Variants in FGGY observed in about 807,000 individuals in gnomAD.
The protein encoded by FGGY is FGGY carbohydrate kinase domain containing, also known as FGGY carbohydrate kinase domain-containing protein.
A neutral mutation model predicts 71.3 loss-of-function variants in FGGY; 72 were observed. The observed-to-expected ratio is 1.01, with a 90% CI of 0.84 to 1.23. The LOEUF (loss-of-function observed/expected upper bound fraction) is 1.23. Ranked by LOEUF, FGGY falls within the 50% of genes most tolerant of loss-of-function variation. The pLI is 0.00. For synonymous variants in FGGY, 251 were observed against 250.3 expected (o/e 1.00, Z -0.02); for missense variants, 668 against 682.3 (o/e 0.98, Z 0.23).
chr1:59,426,516 T>C (rs1211853457), intron 5 of FGGY, among the ~76,000 whole-genome samples: 1 of 152,184 alleles, frequency 6.6e-6, no homozygotes, highest in African/African-American at 2.4e-5. Context: ...AATTTCACAA[T>C]ATGTTTTAAT....
At chr1:59,617,015 T>G (rs1249511360) in intron 9 of FGGY, among the ~76,000 whole-genome samples, 1 of 152,162 alleles carries the variant, frequency 6.6e-6, no homozygotes, top group Non-Finnish European at 1.5e-5. Context: ...TATTCTCTTG[T>G]AAATTCCAAT....
chr1:59,387,493 CAATT>C (rs2060209591), intron 5 of FGGY, among the ~76,000 whole-genome samples: 1 of 151,856 alleles, frequency 6.6e-6, no homozygotes, highest in Admixed American at 6.6e-5. Flanking sequence ...CTAATTATGA[CAATT>C]AGTGTTATAT....
intron 4 of FGGY, among the ~76,000 whole-genome samples, chr1:59,369,770 C>T (rs1449141119): frequency 6.6e-6 from 1 of 152,210 alleles, no homozygotes; most frequent in African/African-American, 2.4e-5. Flanking sequence ...AACGACTGTT[C>T]TGCAGACACC....
chr1:59,753,452 A>G (rs2101742674), intron 14 of FGGY, among the ~76,000 whole-genome samples: 1 of 133,328 alleles, frequency 7.5e-6, no homozygotes, highest in African/African-American at 2.8e-5. Flanking sequence ...GACTGTCTTT[A>G]TAAGCATAAC....
intron 2 of FGGY, among the ~76,000 whole-genome samples, chr1:59,323,185 A>T (rs17119259): frequency 6.6e-6 from 1 of 152,132 alleles, no homozygotes; most frequent in African/African-American, 2.4e-5. Flanking sequence ...TTCTTTTAAC[A>T]TACAGCCTTG....
intron 5 of FGGY, among the ~76,000 whole-genome samples, chr1:59,407,884 TA>T (rs1300481306): frequency 1.3e-5 from 2 of 152,242 alleles, no homozygotes; most frequent in African/African-American, 4.8e-5. Context: ...TATTGCCTAC[TA>T]CATGTAAATT....
chr1:59,588,263 G>A (rs940517696), intron 8 of FGGY, among the ~76,000 whole-genome samples: 6 of 152,002 alleles, frequency 3.9e-5, no homozygotes, highest in Non-Finnish European at 5.9e-5. Context: ...AAAAAGAAAC[G>A]AACAAAGCCT....
chr1:59,359,616 T>C (rs981727310), intron 4 of FGGY, among the ~76,000 whole-genome samples: 8 of 152,234 alleles, frequency 5.3e-5, no homozygotes, highest in African/African-American at 1.9e-4. Flanking sequence ...AAGACCTCCC[T>C]GGAGGCTTGT....
intron 15 of FGGY, among the ~76,000 whole-genome samples, chr1:59,760,824 A>C (rs654165): frequency 0.36 from 54,238 of 151,666 alleles, 10,008 homozygotes; most frequent in African/African-American, 0.45. Flanking sequence ...TCCCTTCTAG[A>C]TATTTTGAGA....
chr1:59,587,821 A>G (rs1457463531), intron 8 of FGGY, among the ~76,000 whole-genome samples: 3 of 152,202 alleles, frequency 2.0e-5, no homozygotes, highest in African/African-American at 7.2e-5. Flanking sequence ...AAAGACCAAA[A>G]GTAGATAAAA....
chr1:59,469,742 C>G (rs1204006936), intron 6 of FGGY, among the ~76,000 whole-genome samples: 1 of 152,140 alleles, frequency 6.6e-6, no homozygotes, highest in Non-Finnish European at 1.5e-5. Flanking sequence ...TTCCTCCTCC[C>G]ACCCTTTGTC....
At chr1:59,700,144 A>G (rs1034464484) in intron 14 of FGGY, among the ~76,000 whole-genome samples, 1 of 152,216 alleles carries the variant, frequency 6.6e-6, no homozygotes, top group Non-Finnish European at 1.5e-5. Flanking sequence ...CTGTTTTTGT[A>G]CTACATTAAG....
chr1:59,503,619 A>G (rs2094296390), intron 6 of FGGY, among the ~76,000 whole-genome samples: 1 of 145,668 alleles, frequency 6.9e-6, no homozygotes, highest in Non-Finnish European at 1.5e-5. Flanking sequence ...ATATATATAT[A>G]AAATATGTAT....
intron 8 of FGGY, among the ~76,000 whole-genome samples, chr1:59,599,841 C>T (rs1407034660): frequency 1.3e-5 from 2 of 151,974 alleles, no homozygotes; most frequent in Non-Finnish European, 2.9e-5. Context: ...AGTCTGAGGC[C>T]TAGCTTATGA....
chr1:59,702,557 TA>T (rs1191161014), intron 14 of FGGY, among the ~76,000 whole-genome samples: 1 of 152,100 alleles, frequency 6.6e-6, no homozygotes, highest in Non-Finnish European at 1.5e-5. Flanking sequence ...AAAAATAAGT[TA>T]AAATGTCAAG....
intron 5 of FGGY, among the ~76,000 whole-genome samples, chr1:59,404,046 G>C (rs2062375787): frequency 6.6e-6 from 1 of 152,170 alleles, no homozygotes. Context: ...TTTGTAACCT[G>C]TAGTCAAAAA....
intron 6 of FGGY, among the ~76,000 whole-genome samples, chr1:59,478,255 TG>T (rs2093344033): frequency 6.6e-6 from 1 of 152,258 alleles, no homozygotes; most frequent in South Asian, 2.1e-4. Context: ...TTATTTTCTC[TG>T]TCTCTCGTGG....
At chr1:59,578,393 C>T (rs2096123267) in intron 8 of FGGY, among the ~76,000 whole-genome samples, 1 of 151,964 alleles carries the variant, frequency 6.6e-6, no homozygotes, top group Admixed American at 6.6e-5. Context: ...GAGACCTTCC[C>T]CAGGCACCTT....
intron 14 of FGGY, among the ~76,000 whole-genome samples, chr1:59,750,111 T>C (rs2098232712): frequency 6.6e-6 from 1 of 152,178 alleles, no homozygotes; most frequent in Admixed American, 6.5e-5. Flanking sequence ...GAGCTTTGAT[T>C]CACACATCTG....
Sources: gnomAD v4.1 joint callset for allele counts (sites outside exome capture counted in the v4.1 genomes callset) on GRCh38, gnomAD v4.1.1 for gene constraint, MANE v1.5 for transcripts, NCBI Gene and HGNC (gene_info 2026-07-23, HGNC 2026-07-21) for gene names.